MYO19: variants seen among roughly 807,000 people sequenced by gnomAD.
MYO19 encodes the protein unconventional myosin-XIX.
MYO19 carries 132 observed loss-of-function variants against 129.2 expected under a neutral mutation model. The ratio of observed to expected loss-of-function variants is 1.02; its 90% CI spans 0.89 to 1.18. The LOEUF (loss-of-function observed/expected upper bound fraction) is 1.18, where lower values mean the gene tolerates loss of function less well. MYO19 is among the 50% of genes most tolerant of loss of function. MYO19 has a pLI of 0.00. For missense variants in MYO19, 1,210 were observed against 1,216.7 expected (o/e 0.99, Z 0.08); for synonymous variants, 531 against 477.2 (o/e 1.11, Z -1.47).
intron 6 of MYO19, among the ~76,000 whole-genome samples, chr17:36,521,690 A>G (rs1417025899): frequency 1.3e-5 from 2 of 152,176 alleles, no homozygotes; most frequent in Non-Finnish European, 2.9e-5. Context: ...CCTTTGGGGG[A>G]AAAAAGAAAT....
At chr17:36,500,454 T>C (rs536129322) in intron 23 of MYO19, 1 of 208,456 alleles carries the variant, frequency 4.8e-6, no homozygotes, top group South Asian at 1.5e-4. Flanking sequence ...GAACTCCTTT[T>C]GGTTTTTACC....
chr17:36,502,635 C>T (rs2071610848), intron 21 of MYO19, among the ~76,000 whole-genome samples: 1 of 152,188 alleles, frequency 6.6e-6, no homozygotes, highest in African/African-American at 2.4e-5. Context: ...GCCTGCTCAT[C>T]TGCCCAGAGA....
intron 21 of MYO19, chr17:36,501,468 TC>T: frequency 4.5e-6 from 2 of 446,506 alleles, no homozygotes; most frequent in East Asian, 3.5e-5. Flanking sequence ...CGCCTGTGTG[TC>T]CTGGGGTGTC....
intron 6 of MYO19, among the ~76,000 whole-genome samples, chr17:36,522,044 A>AG (rs1166915033): frequency 2.7e-5 from 4 of 150,598 alleles, no homozygotes; most frequent in African/African-American, 7.4e-5. Context: ...AAAAAAAAAA[A>AG]AAAGAAAAGA....
At chr17:36,499,493 G>A (rs917400111) in intron 23 of MYO19, 6 of 187,950 alleles carry the variant, frequency 3.2e-5, no homozygotes, top group Non-Finnish European at 3.4e-5. Flanking sequence ...GATTGTCTGT[G>A]CCTTTAAAAA....
intron 5 of MYO19, among the ~76,000 whole-genome samples, chr17:36,526,438 C>G (rs1007208303): frequency 6.6e-6 from 1 of 152,154 alleles, no homozygotes; most frequent in Non-Finnish European, 1.5e-5. Flanking sequence ...CACTTTTACA[C>G]CAACAAGCTC....
At chr17:36,497,004 C>G (rs1322586011) in intron 25 of MYO19, among the ~76,000 whole-genome samples, 4 of 152,040 alleles carry the variant, frequency 2.6e-5, no homozygotes, top group African/African-American at 9.7e-5. Context: ...CAATGACTTC[C>G]TGAGTGTGCT....
Position 36,509,123 on chromosome 17 carries a change from C to A in MYO19, c.1170G>T (p.Trp390Cys), listed in dbSNP as rs763616651. The change falls in exon 14 of 26, where the codon TGG (tryptophan) becomes TGT (cysteine). Residue 390 changes from tryptophan (W) to cysteine (C), a missense_variant. Transcript: ENST00000614623. ...TGCTGCTGTTGATCACTGATACCAG[C>A]CAGTCAAACAACCTGTTGGGGGAAG... ...AKLIYARLFDWLVSVINSSIC... is the reference protein window; with the variant it reads ...AKLIYARLFDCLVSVINSSIC... 4.3e-6 allele frequency: 7 copies of A among 1,613,768 alleles called. No individual in the cohort carries two copies. The Admixed American group carries it at 1.0e-4, about 23-fold the overall frequency.
In MYO19 at chr17:36,508,041, A is replaced by G. The variant is rs1408306121; in HGVS notation, c.1232-117T>C. ...ATGCCTTATACTTGGCAGCCTGGGC[A>G]TCAGGCTGAGTGAGCATGACACCTG... On this transcript the variant is annotated intron_variant, in intron 14 of 25. Coordinates refer to ENST00000614623, the MANE Select transcript of MYO19 (RefSeq NM_001163735.2). The G allele has an allele frequency of 4.3e-6, 5 of 1,167,380 alleles. No individual in the cohort carries two copies. The East Asian group carries it at 1.3e-4, about 31-fold the overall frequency. 72.3% of individuals were successfully genotyped at this position (1,167,380 alleles called of 1,614,324 possible).
Position 36,495,742 on chromosome 17 carries a change from C to T in MYO19, c.*509G>A, listed in dbSNP as rs567307505. The T allele has an allele frequency of 2.9e-5, 36 of 1,244,836 alleles. No homozygotes were observed. The highest frequency in any genetic ancestry group is 1.9e-4 in the Admixed American group (5 of 25,874). 77.1% of individuals were successfully genotyped at this position (1,244,836 alleles called of 1,614,324 possible). ...TTGGTCAGTGTTAATAAAATCAAAA[C>T]GTGATTCTACTGTACATTGCATTAT... On this transcript the variant is annotated 3_prime_UTR_variant, in exon 26 of 26. Coordinates refer to ENST00000614623, the MANE Select transcript of MYO19 (RefSeq NM_001163735.2).
At chr17:36,532,836 G>A (rs1317940347) in intron 2 of MYO19, among the ~76,000 whole-genome samples, 155 bp from the exon 3 acceptor site, 5 of 152,172 alleles carry the variant, frequency 3.3e-5, no homozygotes, top group East Asian at 1.9e-4. Context: ...CCAATTAGGA[G>A]ACAGGGAAAC....
intron 6 of MYO19, among the ~76,000 whole-genome samples, chr17:36,518,915 GTTGT>G (rs1261859044): frequency 3.3e-5 from 5 of 152,012 alleles, no homozygotes; most frequent in African/African-American, 9.7e-5. Flanking sequence ...AGGTGTCTTT[GTTGT>G]TTATTTCTAA....
At chr17:36,539,014 C>T, upstream of MYO19, 1 of 174,314 alleles carries the variant, frequency 5.7e-6, no homozygotes, top group South Asian at 1.9e-4. Flanking sequence ...CTTGGCCTCC[C>T]AAAGTGCTGG....
In MYO19 at chr17:36,496,303, T is replaced by C; in HGVS notation, c.2861A>G (p.Glu954Gly). 1 of 1,614,022 alleles carries C rather than the reference T, an allele frequency of 6.2e-7. No homozygotes were observed. ...GGTCACGTGGATCAGCCTGTGTCTT[T>C]CCAGCAGAATCTGATTAAAGCCTGT... is the stretch of plus-strand genomic sequence containing the variant. The part of the protein sequence containing the change: ...SITGFNQILL[E>G]RHRLIHVTSS... The change falls in exon 26 of 26, where the codon GAA (glutamate) becomes GGA (glycine). Residue 954 changes from glutamate to glycine, a missense_variant. Physicochemically the swap from Glu to Gly is moderately conservative, Grantham distance 98. Coordinates refer to ENST00000614623, the MANE Select transcript of MYO19 (RefSeq NM_001163735.2).
chr17:36,522,964 C>T (rs2073232076), intron 6 of MYO19, among the ~76,000 whole-genome samples: 2 of 151,030 alleles, frequency 1.3e-5, no homozygotes, highest in South Asian at 4.2e-4. Context: ...CAAGATTGTG[C>T]CACTGCACTC....
Position 36,540,069 on chromosome 17 carries a change from A to C in MYO19, n.395+2012T>G, listed in dbSNP as rs76818112. Among the ~76,000 whole-genome samples, 167 of 152,240 alleles carry C rather than the reference A, an allele frequency of 1.1e-3. 1 individual carries two copies. Among genetic ancestry groups the C allele is most frequent in the African/African-American group, 3.7e-3 (153 of 41,526 alleles). ...GAATTGAAAGAAGGCTGAACACAGA[A>C]GAAGGAAGAGCATGGGCAGAGAGCT... On this transcript the variant is annotated intron_variant and non_coding_transcript_variant, in intron 2 of 2. Coordinates refer to the MYO19 transcript ENST00000610496.
chr17:36,505,119 A>T lies in MYO19; in HGVS notation c.1905+178T>A, dbSNP rs1244840058. On this transcript the variant is annotated intron_variant, in intron 19 of 25. Coordinates refer to ENST00000614623, the MANE Select transcript of MYO19 (RefSeq NM_001163735.2). ...GGCTAGGCTACTATGCACAGACCAC[A>T]CAACCATACATGCCTGCCCTGCCAC... 3 of 771,406 alleles carry T rather than the reference A, an allele frequency of 3.9e-6. No individual in the cohort carries two copies. The African/African-American group carries it at 5.1e-5, about 13-fold the overall frequency. The allele number at this position is 771,406 out of a possible 1,614,324, so 47.8% of individuals were successfully genotyped here.
intron 3 of MYO19, among the ~76,000 whole-genome samples, chr17:36,531,008 A>G (rs2073801209): frequency 6.6e-6 from 1 of 151,764 alleles, no homozygotes; most frequent in African/African-American, 2.4e-5. Context: ...GCTGAGGCAG[A>G]CGGATCACTT....
rs1402937256 is a variant in MYO19 at position 36,506,477 on chromosome 17, C to T, written c.1776G>A (p.Leu592=). The T allele has an allele frequency of 2.5e-6, 4 of 1,613,710 alleles. No homozygotes were observed. Among genetic ancestry groups the T allele is most frequent in the Non-Finnish European group, 3.4e-6 (4 of 1,179,824 alleles). ...EPPGQSRAPV[L]TVVSKFKASL... ...CCACCTTGAACTTGGACACCACGGTCAACACAGGGGCCCTGCTCTGGCCAG... is the reference window on the plus strand; with the variant it reads ...CCACCTTGAACTTGGACACCACGGTTAACACAGGGGCCCTGCTCTGGCCAG... Residue 592 remains leucine, a synonymous_variant, in exon 18 of 26, where the codon TTG becomes TTA. Transcript: ENST00000614623.
Sources: allele counts gnomAD v4.1 joint callset (sites outside exome capture counted in the v4.1 genomes callset), GRCh38; gene constraint gnomAD v4.1.1; transcripts MANE v1.5; gene names NCBI Gene and HGNC (gene_info 2026-07-23, HGNC 2026-07-21).